Variants in SZRD1 observed in about 807,000 individuals in gnomAD.
The protein encoded by SZRD1 is SUZ RNA binding domain containing 1.
A neutral mutation model predicts 17.6 loss-of-function variants in SZRD1; 7 were observed. The ratio of observed to expected loss-of-function variants is 0.40; its 90% CI spans 0.23 to 0.75. The LOEUF (loss-of-function observed/expected upper bound fraction) is 0.75. Among genes scored for constraint, SZRD1 ranks in the 30% least tolerant of loss-of-function variants. The probability of loss-of-function intolerance (pLI) is 0.38; values close to 1 mark genes in which losing one functional copy is unlikely to be tolerated. For synonymous variants in SZRD1, 77 were observed against 77.9 expected, an observed-to-expected ratio of 0.99 and a Z score of 0.06; for missense variants, 178 against 201.8, an observed-to-expected ratio of 0.88 and a Z score of 0.71.
At position 16,367,245 on chromosome 1, in the gene SZRD1, A is replaced by G; in HGVS notation, c.-13A>G. ...GGGGAGGGGGTGGGGGAGGAGGGAA[A>G]GCGGCGAGTAAGATGGAAGATGAGG... On this transcript the variant is annotated 5_prime_UTR_variant, in exon 1 of 4. Transcript: ENST00000401088. The G allele has an allele frequency of 6.5e-7, 1 of 1,548,046 alleles. No homozygotes were observed. The highest frequency in any genetic ancestry group is 1.2e-5 in the South Asian group (1 of 83,950).
chr1:16,388,805 G>A (rs544392515), intron 1 of SZRD1, among the ~76,000 whole-genome samples: 3 of 143,292 alleles, frequency 2.1e-5, no homozygotes, highest in Admixed American at 1.5e-4. Flanking sequence ...GCACCACCAC[G>A]CCTGGATAAT....
At chr1:16,380,185 A>G (rs1461814765) in intron 1 of SZRD1, among the ~76,000 whole-genome samples, 2 of 152,130 alleles carry the variant, frequency 1.3e-5, no homozygotes, top group African/African-American at 2.4e-5. Context: ...CTTACAAAAA[A>G]TGGTCAGAGG....
intron 1 of SZRD1, chr1:16,387,810 C>A: frequency 2.4e-6 from 1 of 409,270 alleles, no homozygotes; most frequent in Admixed American, 2.8e-5. Flanking sequence ...AGGCAATAGA[C>A]TAATATGAGC....
chr1:16,376,665 G>A (rs1445648925), intron 1 of SZRD1, among the ~76,000 whole-genome samples: 1 of 151,100 alleles, frequency 6.6e-6, no homozygotes, highest in African/African-American at 2.5e-5. Flanking sequence ...AATTAGCCAG[G>A]TGTGGTGGCA....
chr1:16,393,315 C>T lies in SZRD1; in HGVS notation c.189C>T (p.Leu63=). The change falls in exon 3 of 4, where the codon CTC becomes CTT. Residue 63 remains leucine, a synonymous_variant. Transcript: ENST00000401088. The surrounding 1 kb of genome is among the most constrained non-coding windows in gnomAD (Gnocchi z 5.6). ...PAGPPPQIRI[L]KRPTSNGVVS... ...GGCCCCCTCCACAGATCCGCATCCTCAAGAGGCCCACCAGCAACGGTGTGG... is the reference window on the plus strand; with the variant it reads ...GGCCCCCTCCACAGATCCGCATCCTTAAGAGGCCCACCAGCAACGGTGTGG... The T allele has an allele frequency of 1.2e-6, 2 of 1,614,228 alleles. No individual in the cohort carries two copies. The highest frequency in any genetic ancestry group is 1.7e-6 in the Non-Finnish European group (2 of 1,180,038).
chr1:16,377,027 C>T (rs1431987477), intron 1 of SZRD1, among the ~76,000 whole-genome samples: 1 of 152,118 alleles, frequency 6.6e-6, no homozygotes, highest in African/African-American at 2.4e-5. Context: ...TGGCTGCTCT[C>T]TGCTGTCCTC....
chr1:16,390,988 CATG>C (rs2085213633), intron 1 of SZRD1, among the ~76,000 whole-genome samples: 1 of 152,128 alleles, frequency 6.6e-6, no homozygotes, highest in Non-Finnish European at 1.5e-5. Context: ...AGGGAAGTGA[CATG>C]ATCAGATTTA....
At chr1:16,367,758 A>G (rs1030157633) in intron 1 of SZRD1, 8 of 171,058 alleles carry the variant, frequency 4.7e-5, no homozygotes, top group Non-Finnish European at 9.9e-5. Context: ...GGAAAGCGGG[A>G]GGAGGCAGCC....
chr1:16,395,263 C>G lies in SZRD1; in HGVS notation c.*123C>G. 1 of 739,484 alleles carries G rather than the reference C, an allele frequency of 1.4e-6. No homozygotes were observed. Among genetic ancestry groups the G allele is most frequent in the Non-Finnish European group, 2.5e-6 (1 of 405,220 alleles). The allele number at this position is 739,484 out of a possible 1,614,324, so 45.8% of individuals were successfully genotyped here. ...GAGGGAACGACCTGACTTACTTGCA[C>G]TGTGATCCCCCTTGCTCCGCCCACT... On this transcript the variant is annotated 3_prime_UTR_variant, in exon 4 of 4. Transcript: ENST00000401088.
In SZRD1 at chr1:16,391,452, C is replaced by G. The variant is rs1351398615; in HGVS notation, c.101+28C>G. 2.6e-6 allele frequency: 4 copies of G among 1,540,474 alleles called. No homozygotes were observed. The highest frequency in any genetic ancestry group is 1.4e-5 in the African/African-American group (1 of 72,700). On this transcript the variant is annotated intron_variant, in intron 2 of 3. Transcript: ENST00000401088. This position sits in a 1 kb window ranked among gnomAD's most constrained non-coding sequence, Gnocchi z 4.3. ...AAGGCTGCTGTCTGGTCTGAGGGCT[C>G]ATGCTCTCTGTGGTTTGAGAGCCGG...
At chr1:16,383,534 C>G (rs1406313830) in intron 1 of SZRD1, among the ~76,000 whole-genome samples, 1 of 151,194 alleles carries the variant, frequency 6.6e-6, no homozygotes, top group East Asian at 1.9e-4. Flanking sequence ...TTTATATTTT[C>G]TAGAAGCAAC....
chr1:16,385,488 C>T (rs752090447), intron 1 of SZRD1, among the ~76,000 whole-genome samples: 4 of 152,194 alleles, frequency 2.6e-5, no homozygotes, highest in Non-Finnish European at 5.9e-5. Context: ...GTGCTTTACA[C>T]TAAGACCCAG....
intron 1 of SZRD1, among the ~76,000 whole-genome samples, chr1:16,378,215 T>G (rs893308167): frequency 6.6e-6 from 1 of 152,088 alleles, no homozygotes; most frequent in Non-Finnish European, 1.5e-5. Flanking sequence ...TTTTGAGGCT[T>G]TCTAGCCTGG....
intron 3 of SZRD1, among the ~76,000 whole-genome samples, chr1:16,394,238 C>T (rs1456952525): frequency 1.3e-5 from 2 of 152,146 alleles, no homozygotes; most frequent in East Asian, 3.8e-4. Context: ...TTTGTTGTTT[C>T]TCCTCTAAGT....
intron 1 of SZRD1, among the ~76,000 whole-genome samples, chr1:16,370,614 C>G (rs749544748): frequency 2.0e-5 from 3 of 150,968 alleles, no homozygotes; most frequent in Non-Finnish European, 4.4e-5. Flanking sequence ...GCCACTATGC[C>G]TGGCAGCTTT....
intron 1 of SZRD1, among the ~76,000 whole-genome samples, chr1:16,375,608 C>T (rs745794056): frequency 8.5e-5 from 13 of 152,118 alleles, no homozygotes; most frequent in Non-Finnish European, 1.5e-4. Context: ...CCACCGCGCC[C>T]GGTCCGAGAC....
At position 16,393,114 on chromosome 1, in the gene SZRD1, T is replaced by C; in HGVS notation, c.102-114T>C. On this transcript the variant is annotated intron_variant, in intron 2 of 3. Coordinates refer to ENST00000401088, the MANE Select transcript of SZRD1 (RefSeq NM_001114600.3). This position sits in a 1 kb window ranked among gnomAD's most constrained non-coding sequence, Gnocchi z 5.6. ...TGTCTGGTCAGAGGCCAGAGAATCATGCATGGGTAGAATTAGGGAGGGAGA... is the reference window on the plus strand; with the variant it reads ...TGTCTGGTCAGAGGCCAGAGAATCACGCATGGGTAGAATTAGGGAGGGAGA... 7.1e-7 allele frequency: 1 copy of C among 1,409,384 alleles called. No homozygotes were observed. Among genetic ancestry groups the C allele is most frequent in the Non-Finnish European group, 9.8e-7 (1 of 1,018,844 alleles). 87.3% of individuals were successfully genotyped at this position (1,409,384 alleles called of 1,614,324 possible).
chr1:16,381,644 G>A (rs1478649392), intron 1 of SZRD1, among the ~76,000 whole-genome samples: 1 of 151,846 alleles, frequency 6.6e-6, no homozygotes, highest in Non-Finnish European at 1.5e-5. Flanking sequence ...TTAGAAGCTC[G>A]TTGAAGGCCG....
At position 16,393,186 on chromosome 1, in the gene SZRD1, G is replaced by A. The variant is rs2085245287; in HGVS notation, c.102-42G>A. ...GTGGGACATGGACAGGGCCTCCTTA[G>A]TCAGGAGCATGATTTGTGAAGCTGT... On this transcript the variant is annotated intron_variant, in intron 2 of 3. Transcript: ENST00000401088. The surrounding 1 kb of genome is among the most constrained non-coding windows in gnomAD (Gnocchi z 5.6). The A allele has an allele frequency of 1.2e-6, 2 of 1,604,148 alleles. No individual in the cohort carries two copies. Among genetic ancestry groups the A allele is most frequent in the Non-Finnish European group, 1.7e-6 (2 of 1,173,000 alleles).
Sources: gnomAD v4.1 joint callset for allele counts (sites outside exome capture counted in the v4.1 genomes callset) on GRCh38, gnomAD v4.1.1 for gene constraint, Gnocchi (gnomAD v3.1) non-coding constraint, MANE v1.5 for transcripts, NCBI Gene and HGNC (gene_info 2026-07-23, HGNC 2026-07-21) for gene names.